Variants in PKNOX2 observed in about 807,000 individuals in gnomAD.
PKNOX2 encodes homeobox protein PKNOX2.
In PKNOX2, 14 loss-of-function variants were observed where a neutral mutation model predicts 53.1. That is an observed-to-expected ratio of 0.26 (90% CI 0.17 to 0.41). PKNOX2 has a LOEUF of 0.41. PKNOX2 is among the 10% of genes least tolerant of loss of function. PKNOX2 has a pLI of 1.00. For missense variants in PKNOX2, 496 were observed against 602.8 expected (o/e 0.82, Z 1.85); for synonymous variants, 257 against 242.8 (o/e 1.06, Z -0.54).
rs944202441 is a variant in PKNOX2, at chr11:125,165,419, T to C, written c.-201+643T>C. ...GGCTCCAGGTTCTCTTTCTCCCGGC[T>C]TCGGGCGTCCTTGGGGCCGGCGCTT... On this transcript the variant is annotated intron_variant, in intron 1 of 12. Transcript: ENST00000298282. This position sits in a 1 kb window ranked among gnomAD's most constrained non-coding sequence, Gnocchi z 4.5. 6.6e-6 allele frequency among the ~76,000 whole-genome samples: 1 copy of C among 152,104 alleles called. No homozygotes were observed. Among genetic ancestry groups the C allele is most frequent in the Non-Finnish European group, 1.5e-5 (1 of 67,992 alleles).
chr11:125,237,662 G>T (rs536663325), intron 2 of PKNOX2, among the ~76,000 whole-genome samples: 14 of 152,338 alleles, frequency 9.2e-5, no homozygotes, highest in South Asian at 2.1e-4. Context: ...TGAGTCGAAA[G>T]GGCCCTCGGA....
intron 4 of PKNOX2, among the ~76,000 whole-genome samples, chr11:125,361,708 C>G (rs951582773): frequency 5.3e-5 from 8 of 152,210 alleles, no homozygotes; most frequent in African/African-American, 1.9e-4. Flanking sequence ...CTATCCCACC[C>G]CATCTTTTAT....
chr11:125,236,145 T>C (rs1425527044), intron 2 of PKNOX2, among the ~76,000 whole-genome samples: 1 of 152,198 alleles, frequency 6.6e-6, no homozygotes, highest in East Asian at 1.9e-4. Flanking sequence ...ATCATAAGAA[T>C]GGCCGCCCTG....
chr11:125,415,427 T>C (rs1955821316), intron 10 of PKNOX2, among the ~76,000 whole-genome samples: 1 of 152,064 alleles, frequency 6.6e-6, no homozygotes, highest in Non-Finnish European at 1.5e-5. Context: ...ATTTTTATAT[T>C]TTTAGTAGAG....
At chr11:125,171,432 A>C (rs1591467681) in intron 1 of PKNOX2, among the ~76,000 whole-genome samples, 1 of 152,224 alleles carries the variant, frequency 6.6e-6, no homozygotes, top group East Asian at 1.9e-4. Context: ...GCAAAACTTC[A>C]TTTAGAGCCT....
At chr11:125,230,601 A>G (rs1187434130) in intron 1 of PKNOX2, among the ~76,000 whole-genome samples, 1 of 152,198 alleles carries the variant, frequency 6.6e-6, no homozygotes, top group African/African-American at 2.4e-5. Flanking sequence ...AGAGACTCTT[A>G]GTGTTCAAGA....
At chr11:125,237,025 G>T (rs537415393) in intron 2 of PKNOX2, among the ~76,000 whole-genome samples, 1 of 152,320 alleles carries the variant, frequency 6.6e-6, no homozygotes, top group Non-Finnish European at 1.5e-5. Context: ...TTGTCTCTGT[G>T]CCACCAGGTG....
chr11:125,409,670 G>A (rs560181159), intron 7 of PKNOX2, among the ~76,000 whole-genome samples: 2 of 152,214 alleles, frequency 1.3e-5, no homozygotes, highest in East Asian at 1.9e-4. Context: ...GCCGGGGGAC[G>A]GGAAAGCATC....
intron 1 of PKNOX2, among the ~76,000 whole-genome samples, chr11:125,224,695 GC>G (rs1674805565): frequency 6.6e-6 from 1 of 152,226 alleles, no homozygotes; most frequent in Non-Finnish European, 1.5e-5. Context: ...GGGGACACCA[GC>G]CGCGGCTGCC....
At chr11:125,268,293 G>A (rs1469103423) in intron 2 of PKNOX2, among the ~76,000 whole-genome samples, 1 of 152,212 alleles carries the variant, frequency 6.6e-6, no homozygotes, top group Non-Finnish European at 1.5e-5. Flanking sequence ...GGAACCGCGT[G>A]CTGTAGAAGC....
chr11:125,426,719 T>TGTCTGCACACTGTGCCTG (rs1249261882), intron 10 of PKNOX2, among the ~76,000 whole-genome samples: 1 of 152,216 alleles, frequency 6.6e-6, no homozygotes, highest in Non-Finnish European at 1.5e-5. Context: ...CCTCTTTGCC[T>TGTCTGCACACTGTGCCTG]GTCTGCACAC....
At chr11:125,386,225 C>G (rs1020857903) in intron 6 of PKNOX2, among the ~76,000 whole-genome samples, 1 of 152,208 alleles carries the variant, frequency 6.6e-6, no homozygotes, top group African/African-American at 2.4e-5. Context: ...ATTCTGGGGA[C>G]AGGGTAGATC....
Position 125,309,220 on chromosome 11 carries a change from C to A in PKNOX2, c.-129-22599C>A, listed in dbSNP as rs536577771. Among the ~76,000 whole-genome samples, 7 of 148,594 alleles carry A rather than the reference C, an allele frequency of 4.7e-5. No homozygotes were observed. The South Asian group carries it at 1.3e-3, about 27-fold the overall frequency. On this transcript the variant is annotated intron_variant, in intron 2 of 12. Coordinates refer to ENST00000298282, the MANE Select transcript of PKNOX2 (RefSeq NM_001382323.2). ...CCTCTCTCTTCCTTCCTTTCTCTCTCTCTTTCTTCCTTCCTTCCTCTCTTT... is the reference window on the plus strand; with the variant it reads ...CCTCTCTCTTCCTTCCTTTCTCTCTATCTTTCTTCCTTCCTTCCTCTCTTT...
chr11:125,232,501 C>T (rs1470604057), intron 1 of PKNOX2, among the ~76,000 whole-genome samples: 2 of 152,190 alleles, frequency 1.3e-5, no homozygotes, highest in Non-Finnish European at 2.9e-5. Flanking sequence ...GTAACTTGCC[C>T]ATGGTCAAGC....
intron 7 of PKNOX2, among the ~76,000 whole-genome samples, chr11:125,408,761 G>A (rs1955281158): frequency 6.6e-6 from 1 of 152,296 alleles, no homozygotes; most frequent in East Asian, 1.9e-4. Flanking sequence ...CCCCCGGGCT[G>A]TAACACTTTC....
rs145521050 is a variant in PKNOX2 at position 125,371,708 on chromosome 11, A to G, written c.227+3723A>G. ...TGCTAAGGTGTTGGCTCACTTCCCT[A>G]AGGCTGAAAGATTCTCTCCGAGAAC... On this transcript the variant is annotated intron_variant, in intron 5 of 12. Coordinates refer to ENST00000298282, the MANE Select transcript of PKNOX2 (RefSeq NM_001382323.2). Among the ~76,000 whole-genome samples, 263 of 152,180 alleles carry G rather than the reference A, an allele frequency of 1.7e-3. 4 individuals carry two copies. The South Asian group carries it at 0.03, about 17-fold the overall frequency.
chr11:125,198,122 A>G (rs1216992855), intron 1 of PKNOX2, among the ~76,000 whole-genome samples: 1 of 152,238 alleles, frequency 6.6e-6, no homozygotes, highest in African/African-American at 2.4e-5. Context: ...CTGGTAGCCC[A>G]TCCTCTTGGG....
chr11:125,221,866 A>G (rs1200057086), intron 1 of PKNOX2, among the ~76,000 whole-genome samples: 1 of 152,192 alleles, frequency 6.6e-6, no homozygotes, highest in Non-Finnish European at 1.5e-5. Flanking sequence ...CCAAAATGAC[A>G]GTAGTGCCAT....
intron 7 of PKNOX2, among the ~76,000 whole-genome samples, chr11:125,402,641 T>C (rs1290815822): frequency 1.3e-5 from 2 of 152,114 alleles, no homozygotes; most frequent in African/African-American, 4.8e-5. Context: ...AATGAGGATC[T>C]AGATAAATCA....
Sources: gnomAD v4.1 joint callset for allele counts (sites outside exome capture counted in the v4.1 genomes callset) on GRCh38, gnomAD v4.1.1 for gene constraint, Gnocchi (gnomAD v3.1) non-coding constraint, MANE v1.5 for transcripts, NCBI Gene and HGNC (gene_info 2026-07-23, HGNC 2026-07-21) for gene names.